The following CSGALNACT1 variants were observed in gnomAD, a reference collection of about 807,000 sequenced individuals.
CSGALNACT1 encodes chondroitin sulfate N-acetylgalactosaminyltransferase 1.
In CSGALNACT1, 52 loss-of-function variants were observed where a neutral mutation model predicts 51.0. The observed-to-expected ratio is 1.02, with a 90% CI of 0.82 to 1.29. CSGALNACT1 has a LOEUF of 1.29. Among genes scored for constraint, CSGALNACT1 ranks in the 50% most tolerant of loss-of-function variants. The pLI is 0.00. For synonymous variants in CSGALNACT1, 341 were observed against 254.4 expected (o/e 1.34, Z -3.24); for missense variants, 935 against 679.2 (o/e 1.38, Z -4.19).
exon 10 of CSGALNACT1, chr8:19,405,646 G>A (rs553600071): frequency 1.1e-5 from 13 of 1,160,460 alleles, no homozygotes; most frequent in Middle Eastern, 2.1e-4. Context: ...GAGAGAAATC[G>A]GAGGCTTTCT....
intron 5 of CSGALNACT1, among the ~76,000 whole-genome samples, chr8:19,456,332 C>A (rs947467828): frequency 6.6e-6 from 1 of 152,208 alleles, no homozygotes. Context: ...GCAAGCCTAA[C>A]ATGTCCAAGG....
intron 1 of CSGALNACT1, among the ~76,000 whole-genome samples, chr8:19,632,154 A>G (rs553184149): frequency 6.6e-6 from 1 of 152,370 alleles, no homozygotes; most frequent in Non-Finnish European, 1.5e-5. Context: ...GAAGAAAGAG[A>G]AATCACCCAA....
At chr8:19,748,583 A>G (rs1432701755) in intron 1 of CSGALNACT1, among the ~76,000 whole-genome samples, 1 of 152,204 alleles carries the variant, frequency 6.6e-6, no homozygotes. Flanking sequence ...GTGCTGTAGC[A>G]TTTACGTACA....
intron 1 of CSGALNACT1, among the ~76,000 whole-genome samples, chr8:19,680,157 A>C (rs767959654): frequency 2.0e-5 from 3 of 152,210 alleles, no homozygotes; most frequent in Non-Finnish European, 4.4e-5. Flanking sequence ...GAAATAGTAT[A>C]GTTGGCCCCC....
At chr8:19,454,010 G>C (rs775289816) in intron 5 of CSGALNACT1, among the ~76,000 whole-genome samples, 1 of 152,090 alleles carries the variant, frequency 6.6e-6, no homozygotes, top group Non-Finnish European at 1.5e-5. Context: ...ACTAATGAAG[G>C]AATTTTTCAG....
chr8:19,476,000 GAAGA>G (rs1250847657), intron 4 of CSGALNACT1, among the ~76,000 whole-genome samples: 1 of 152,160 alleles, frequency 6.6e-6, no homozygotes, highest in African/African-American at 2.4e-5. Context: ...CAATGAAACA[GAAGA>G]AAGACAATTG....
upstream of CSGALNACT1, among the ~76,000 whole-genome samples, chr8:19,686,729 GA>G (rs1488042753): frequency 6.6e-6 from 1 of 152,336 alleles, no homozygotes; most frequent in Admixed American, 6.5e-5. Context: ...GCTGGACAGG[GA>G]GGGAACATTC....
chr8:19,754,016 A>C (rs997141631), intron 1 of CSGALNACT1, among the ~76,000 whole-genome samples: 2 of 150,468 alleles, frequency 1.3e-5, no homozygotes, highest in East Asian at 3.9e-4. Flanking sequence ...AACACTTTTT[A>C]AAGGTGAGAT....
intron 3 of CSGALNACT1, among the ~76,000 whole-genome samples, chr8:19,545,050 C>T (rs934928599): frequency 1.3e-5 from 2 of 151,836 alleles, no homozygotes; most frequent in African/African-American, 2.4e-5. Context: ...GGATAAATCA[C>T]GACGACACAG....
chr8:19,658,629 G>A (rs975771402), intron 1 of CSGALNACT1, among the ~76,000 whole-genome samples: 1 of 152,116 alleles, frequency 6.6e-6, no homozygotes. Context: ...AGCTACTTGG[G>A]AGGCTGAGGC....
rs55767885 is a variant in CSGALNACT1, at chr8:19,478,413, CAAAAAAAAAAA to C, written c.635-19782_635-19772del. Among the ~76,000 whole-genome samples the C allele has an allele frequency of 1.9e-3, 138 of 70,834 alleles. 1 individual carries two copies. The highest frequency in any genetic ancestry group is 0.017 in the Middle Eastern group (2 of 120). The allele number at this position is 70,834 out of a possible 152,430, so 46.5% of individuals were successfully genotyped here. ...TGGGCGACAGAGCGAGACTCCGTCT[CAAAAAAAAAAA>C]AAAAAAAAAAAAAAGGTACTGATGT... On this transcript the variant is annotated intron_variant, in intron 4 of 9. Coordinates refer to ENST00000454498, the Ensembl canonical transcript of CSGALNACT1.
chr8:19,426,896 A>C (rs57518441), intron 6 of CSGALNACT1, among the ~76,000 whole-genome samples: 2,321 of 152,336 alleles, frequency 0.015, 53 homozygotes, highest in African/African-American at 0.053. Flanking sequence ...CTCTTCATGT[A>C]ACGCTTCTCA....
At chr8:19,438,164 A>T (rs73667660) in intron 6 of CSGALNACT1, among the ~76,000 whole-genome samples, 4,554 of 131,060 alleles carry the variant, frequency 0.035, 217 homozygotes, top group African/African-American at 0.11. Flanking sequence ...TCACCTGGGG[A>T]GCTGCTTAAA....
intron 1 of CSGALNACT1, among the ~76,000 whole-genome samples, chr8:19,744,461 A>G (rs1395452816): frequency 2.0e-5 from 3 of 152,160 alleles, no homozygotes; most frequent in Admixed American, 6.5e-5. Flanking sequence ...GTCCCTTATA[A>G]TCGTTTCAGC....
chr8:19,552,751 T>A (rs560031874), intron 3 of CSGALNACT1, among the ~76,000 whole-genome samples: 8 of 152,224 alleles, frequency 5.3e-5, no homozygotes, highest in Non-Finnish European at 8.8e-5. Flanking sequence ...TTAGTTTCCT[T>A]GTGTAAAAAG....
chr8:19,614,969 T>C (rs2052792940), intron 1 of CSGALNACT1, among the ~76,000 whole-genome samples: 1 of 152,208 alleles, frequency 6.6e-6, no homozygotes, highest in Non-Finnish European at 1.5e-5. Flanking sequence ...TTTAAACAAG[T>C]GTTGAAGTAT....
chr8:19,554,362 CACATAACAGAGGCAG>C (rs1452102218), intron 3 of CSGALNACT1, among the ~76,000 whole-genome samples: 2 of 152,066 alleles, frequency 1.3e-5, no homozygotes, highest in Non-Finnish European at 2.9e-5. Flanking sequence ...GAGTCAGGTA[CACATAACAGAGGCAG>C]ACGGTGAGAG....
intron 3 of CSGALNACT1, among the ~76,000 whole-genome samples, chr8:19,547,824 G>A (rs1434476461): frequency 6.6e-6 from 1 of 152,286 alleles, no homozygotes; most frequent in East Asian, 1.9e-4. Context: ...GTAATACTGA[G>A]AAGTGAAAGA....
intron 4 of CSGALNACT1, among the ~76,000 whole-genome samples, chr8:19,466,109 AG>A (rs1354435728): frequency 6.6e-6 from 1 of 152,224 alleles, no homozygotes; most frequent in Non-Finnish European, 1.5e-5. Flanking sequence ...CACACTGAAA[AG>A]GGTAAATTTT....
Sources: gnomAD v4.1 joint callset for allele counts (sites outside exome capture counted in the v4.1 genomes callset) on GRCh38, gnomAD v4.1.1 for gene constraint, MANE v1.5 for transcripts, NCBI Gene and HGNC (gene_info 2026-07-23, HGNC 2026-07-21) for gene names.